HEG1: variants seen among roughly 807,000 people sequenced by gnomAD.
HEG1 encodes the protein heart development protein with EGF like domains 1.
A neutral mutation model predicts 125.6 loss-of-function variants in HEG1; 56 were observed. That is an observed-to-expected ratio of 0.45 (90% confidence interval 0.36 to 0.56). HEG1 has a LOEUF of 0.56. HEG1 is among the 20% of genes least tolerant of loss of function. The probability of loss-of-function intolerance (pLI) is 0.00; values close to 1 mark genes in which losing one functional copy is unlikely to be tolerated. For synonymous variants in HEG1, 644 were observed against 668.5 expected, an observed-to-expected ratio of 0.96 and a Z score of 0.57; for missense variants, 1,523 against 1,670.0, an observed-to-expected ratio of 0.91 and a Z score of 1.53.
chr3:124,973,813 T>C lies in HEG1; in HGVS notation c.3914A>G (p.Gln1305Arg). ...TTCAATAGCTTCTCGGCCCCATTCT[T>C]GTGAGCGAGGATTTTTGGGGTATTC... ...YAEYPKNPRSQEWGREAIEMH... is the reference protein window; with the variant it reads ...YAEYPKNPRSREWGREAIEMH... Residue 1305 changes from glutamine to arginine, a missense_variant, in exon 16 of 17, where the codon CAA (glutamine) becomes CGA (arginine). Transcript: ENST00000311127. The C allele has an allele frequency of 1.2e-6, 2 of 1,613,928 alleles. No homozygotes were observed. Among genetic ancestry groups the C allele is most frequent in the Non-Finnish European group, 1.7e-6 (2 of 1,179,812 alleles).
chr3:125,030,092 G>C, intron 1 of HEG1, among the ~76,000 whole-genome samples: 1 of 152,224 alleles, frequency 6.6e-6, no homozygotes, highest in Non-Finnish European at 1.5e-5. Flanking sequence ...TGCAGGGTCA[G>C]AGAGGGGATT....
intron 1 of HEG1, among the ~76,000 whole-genome samples, chr3:125,038,195 A>G (rs985090924): frequency 6.6e-6 from 1 of 152,180 alleles, no homozygotes; most frequent in African/African-American, 2.4e-5. Flanking sequence ...GAAGCTAGGA[A>G]TCCACTCTGA....
chr3:125,051,346 CG>C (rs5852439), intron 1 of HEG1, among the ~76,000 whole-genome samples: 9,749 of 152,192 alleles, frequency 0.064, 603 homozygotes, highest in African/African-American at 0.16. Flanking sequence ...GGGAGGAAGA[CG>C]AATGATGAGC....
At chr3:124,992,600 G>A (rs931056827) in intron 12 of HEG1, among the ~76,000 whole-genome samples, 1 of 152,202 alleles carries the variant, frequency 6.6e-6, no homozygotes, top group Non-Finnish European at 1.5e-5. Flanking sequence ...GTGAGGAGGG[G>A]CAGGGGGCTG....
rs148735767 is a variant in HEG1, at chr3:125,016,455, C to T, written c.1589-2465G>A. Among the ~76,000 whole-genome samples the T allele has an allele frequency of 3.7e-4, 56 of 152,200 alleles. No individual in the cohort carries two copies. The East Asian group carries it at 9.1e-3, about 25-fold the overall frequency. Reference sequence around the variant, plus strand: ...CAACTGAGCATTAATTGCAGAGAAGCGGGTACTGAAGAGATGTAAAAGAGA... The same window carrying T: ...CAACTGAGCATTAATTGCAGAGAAGTGGGTACTGAAGAGATGTAAAAGAGA... On this transcript the variant is annotated intron_variant, in intron 5 of 16. Coordinates refer to ENST00000311127, the MANE Select transcript of HEG1 (RefSeq NM_020733.2).
chr3:125,055,462 C>T, intron 1 of HEG1, 113 bp downstream of exon 1: 1 of 696,468 alleles, frequency 1.4e-6, no homozygotes, highest in Non-Finnish European at 1.9e-6. Context: ...GGCGAGGAGC[C>T]CCCACCCTGG....
chr3:125,013,598 A>AGGAGGAGGAAGAGGAGGT lies in HEG1; in HGVS notation c.1980_1981insACCTCCTCTTCCTCCTCC (p.Ser660_Ser661insThrSerSerSerSerSer). On this transcript the variant is annotated inframe_insertion, in exon 6 of 17. Coordinates refer to ENST00000311127, the MANE Select transcript of HEG1 (RefSeq NM_020733.2). ...GAAGAGGAGGAGGAGGAAGAGGAGG[A>AGGAGGAGGAAGAGGAGGT]GGAGGAGTCACTAACAAACTCAGCA... 3 of 1,600,662 alleles carry AGGAGGAGGAAGAGGAGGT rather than the reference A, an allele frequency of 1.9e-6. No homozygotes were observed. The South Asian group carries it at 3.4e-5, about 18-fold the overall frequency.
intron 1 of HEG1, 126 bp from the exon 2 acceptor site, chr3:125,029,614 G>C (rs1937469406): frequency 1.1e-6 from 1 of 884,868 alleles, no homozygotes; most frequent in Admixed American, 2.5e-5. Context: ...TTTTGGCCAG[G>C]CATGATGGCT....
intron 11 of HEG1, 78 bp downstream of exon 11, chr3:125,001,774 C>T: frequency 6.7e-7 from 1 of 1,502,388 alleles, no homozygotes; most frequent in Admixed American, 2.0e-5. Flanking sequence ...GGGCCTGAGC[C>T]CTGGATGCCT....
chr3:124,996,740 C>T (rs761504275), intron 12 of HEG1, among the ~76,000 whole-genome samples: 1 of 152,144 alleles, frequency 6.6e-6, no homozygotes, highest in Non-Finnish European at 1.5e-5. Context: ...AGTGGCATGT[C>T]GCCTCGCCCC....
At chr3:125,053,892 G>A (rs539826983) in intron 1 of HEG1, among the ~76,000 whole-genome samples, 5 of 152,180 alleles carry the variant, frequency 3.3e-5, no homozygotes, top group South Asian at 4.1e-4. Context: ...TAGAGATCCC[G>A]CCCCTAAGAG....
At chr3:124,981,908 A>G (rs1024155236) in intron 14 of HEG1, among the ~76,000 whole-genome samples, 17 of 135,026 alleles carry the variant, frequency 1.3e-4, no homozygotes, top group African/African-American at 5.0e-4. Flanking sequence ...ATATACACAT[A>G]CATATTTTTT....
Position 125,027,657 on chromosome 3 carries a change from G to C in HEG1, c.611-150C>G, listed in dbSNP as rs941834456. 8 of 682,830 alleles carry C rather than the reference G, an allele frequency of 1.2e-5. No homozygotes were observed. The Admixed American group carries it at 2.5e-4, about 21-fold the overall frequency. 42.3% of individuals were successfully genotyped at this position (682,830 alleles called of 1,614,324 possible). ...TTCAGTCTATGAAAAATAAACTCCT[G>C]AAAGAGACCACAGACCAAGGTCTGT... On this transcript the variant is annotated intron_variant, in intron 2 of 16. Coordinates refer to ENST00000311127, the MANE Select transcript of HEG1 (RefSeq NM_020733.2).
At chr3:124,988,774 AGGT>A (rs1936785751) in intron 14 of HEG1, among the ~76,000 whole-genome samples, 1 of 152,138 alleles carries the variant, frequency 6.6e-6, no homozygotes, top group Admixed American at 6.5e-5. Context: ...AAAATTAGCT[AGGT>A]GTGGTGGTGC....
At position 125,021,015 on chromosome 3, in the gene HEG1, C is replaced by T. The variant is rs370512191; in HGVS notation, c.1029G>A (p.Leu343=). The part of the protein sequence containing the change: ...TVFTDGGPRT[L]RSLTVSLGPV... ...GTCCCAGACTGACCGTCAAAGATCG[C>T]AGCGTTCTCGGGCCACCATCAGTGA... Residue 343 remains leucine, a synonymous_variant, in exon 4 of 17, where the codon CTG becomes CTA. Transcript: ENST00000311127. 6 of 1,613,526 alleles carry T rather than the reference C, an allele frequency of 3.7e-6. No homozygotes were observed. In the African/African-American group the frequency reaches 8.0e-5, roughly 22 times the overall value.
intron 14 of HEG1, among the ~76,000 whole-genome samples, chr3:124,985,338 TA>T (rs772958270): frequency 2.0e-5 from 3 of 152,344 alleles, no homozygotes; most frequent in South Asian, 2.1e-4. Flanking sequence ...ATTTTCTAAT[TA>T]ATTTGGGTTA....
intron 14 of HEG1, among the ~76,000 whole-genome samples, chr3:124,987,321 A>G (rs913188310): frequency 6.6e-6 from 1 of 152,138 alleles, no homozygotes; most frequent in African/African-American, 2.4e-5. Context: ...AGCAGGTCAT[A>G]TCTCTTACCT....
At position 124,990,078 on chromosome 3, in the gene HEG1, C is replaced by A. The variant is rs545078216; in HGVS notation, c.3733+709G>T. On this transcript the variant is annotated intron_variant, in intron 14 of 16. Transcript: ENST00000311127. ...CCCTCTGCCTGGGATGTCCTCCCCC[C>A]ATACCCGCCAGTCTAAATCTTTCCT... Among the ~76,000 whole-genome samples, 24 of 152,256 alleles carry A rather than the reference C, an allele frequency of 1.6e-4. 1 individual carries two copies. The highest frequency in any genetic ancestry group is 2.1e-4 in the South Asian group (1 of 4,822).
At chr3:124,997,080 T>G (rs942680215) in intron 12 of HEG1, among the ~76,000 whole-genome samples, 3 of 152,222 alleles carry the variant, frequency 2.0e-5, no homozygotes, top group Non-Finnish European at 4.4e-5. Flanking sequence ...AACTCATTAA[T>G]TCAACAACAA....
Sources: allele counts gnomAD v4.1 joint callset (sites outside exome capture counted in the v4.1 genomes callset), GRCh38; gene constraint gnomAD v4.1.1; transcripts MANE v1.5; gene names NCBI Gene and HGNC (gene_info 2026-07-23, HGNC 2026-07-21).